The following STPG2 variants were observed in gnomAD, a reference collection of about 807,000 sequenced individuals.
The protein encoded by STPG2 is sperm-tail PG-rich repeat-containing protein 2.
Under a neutral mutation model 54.2 loss-of-function variants are expected in STPG2, and 56 were observed. That is an observed-to-expected ratio of 1.03 (90% CI 0.83 to 1.29). STPG2 has a LOEUF of 1.29. Among genes scored for constraint, STPG2 ranks in the 50% most tolerant of loss-of-function variants. The pLI is 0.00. For missense variants in STPG2, 596 were observed against 544.9 expected, an observed-to-expected ratio of 1.09 and a Z score of -0.93; for synonymous variants, 200 against 181.8, an observed-to-expected ratio of 1.10 and a Z score of -0.81.
intron 9 of STPG2, among the ~76,000 whole-genome samples, chr4:97,725,658 T>C (rs1724600534): frequency 1.3e-5 from 2 of 151,478 alleles, no homozygotes; most frequent in African/African-American, 4.8e-5. Context: ...GATAAAAAGA[T>C]ATTTAAAAAA....
intron 9 of STPG2, among the ~76,000 whole-genome samples, chr4:97,758,623 G>C (rs917300032): frequency 4.6e-5 from 7 of 152,046 alleles, no homozygotes; most frequent in Admixed American, 3.9e-4. Flanking sequence ...GGCCTGTCAG[G>C]GGGGTGCGGG....
intron 9 of STPG2, among the ~76,000 whole-genome samples, chr4:97,742,551 G>GTATATATA (rs1467194240): frequency 4.9e-5 from 7 of 142,898 alleles, no homozygotes; most frequent in South Asian, 2.2e-4. Flanking sequence ...GTGTGTGTGT[G>GTATATATA]TGTGTGTGTG....
At chr4:97,787,195 C>A (rs1353377385) in intron 9 of STPG2, among the ~76,000 whole-genome samples, 1 of 151,600 alleles carries the variant, frequency 6.6e-6, no homozygotes, top group Non-Finnish European at 1.5e-5. Context: ...ATATTTCGTA[C>A]TTTTTTTTTC....
chr4:97,546,546 A>G (rs956953257), intron 4 of STPG2, among the ~76,000 whole-genome samples: 4 of 152,226 alleles, frequency 2.6e-5, no homozygotes, highest in African/African-American at 9.6e-5. Context: ...AGGAAGATAA[A>G]TTTTTCTTTG....
intron 5 of STPG2, among the ~76,000 whole-genome samples, chr4:97,991,578 T>C (rs2149269666): frequency 6.6e-6 from 1 of 152,108 alleles, no homozygotes; most frequent in Non-Finnish European, 1.5e-5. Context: ...TGTGCAAGTA[T>C]CTTTTTCGTA....
At chr4:97,756,622 G>A (rs1007991500) in intron 9 of STPG2, among the ~76,000 whole-genome samples, 77 of 152,152 alleles carry the variant, frequency 5.1e-4, no homozygotes, top group Non-Finnish European at 1.8e-4. Context: ...CACCGTGCCC[G>A]GCCTCCCTGT....
intron 10 of STPG2, among the ~76,000 whole-genome samples, chr4:97,653,114 G>GA (rs77259350): frequency 8.0e-6 from 1 of 125,488 alleles, no homozygotes; most frequent in African/African-American, 3.1e-5. Flanking sequence ...TAGATAGATA[G>GA]GTAGATAGAT....
chr4:97,785,709 C>T (rs762729374), intron 9 of STPG2, among the ~76,000 whole-genome samples: 3 of 151,950 alleles, frequency 2.0e-5, no homozygotes, highest in Non-Finnish European at 4.4e-5. Context: ...AAAATATCTT[C>T]GTTCCCACCT....
intron 8 of STPG2, among the ~76,000 whole-genome samples, chr4:97,935,393 T>C (rs1732710840): frequency 6.6e-6 from 1 of 152,234 alleles, no homozygotes; most frequent in Non-Finnish European, 1.5e-5. Flanking sequence ...AGTTCCAATC[T>C]GATCTTAGTT....
At chr4:97,469,750 A>G (rs1360337102) in intron 4 of STPG2, among the ~76,000 whole-genome samples, 2 of 152,006 alleles carry the variant, frequency 1.3e-5, no homozygotes, top group Non-Finnish European at 1.5e-5. Flanking sequence ...GGGAGGCTGA[A>G]GAAATACCAC....
intron 4 of STPG2, among the ~76,000 whole-genome samples, chr4:97,447,112 C>T (rs141760758): frequency 0.011 from 1,715 of 152,176 alleles, 15 homozygotes; most frequent in Non-Finnish European, 0.018. Context: ...CATATGGAGA[C>T]GAGGAACTCA....
At chr4:97,453,102 G>A (rs1466329894) in intron 4 of STPG2, among the ~76,000 whole-genome samples, 1 of 152,188 alleles carries the variant, frequency 6.6e-6, no homozygotes, top group Non-Finnish European at 1.5e-5. Flanking sequence ...GCCCTTCAGG[G>A]ATCCCAGACT....
chr4:98,138,364 G>T (rs1005897763), intron 1 of STPG2, among the ~76,000 whole-genome samples: 1 of 152,034 alleles, frequency 6.6e-6, no homozygotes, highest in Admixed American at 6.6e-5. Context: ...TAAGTGTATA[G>T]AAGAGGAGAT....
chr4:98,053,037 G>A (rs1737371228), intron 5 of STPG2, among the ~76,000 whole-genome samples: 3 of 152,142 alleles, frequency 2.0e-5, no homozygotes, highest in Admixed American at 2.0e-4. Context: ...TAAAAGGACT[G>A]ATGAAACATT....
In STPG2 at chr4:97,869,031, T is replaced by C. The variant is rs533363114; in HGVS notation, c.1045-28099A>G. ...TTGTATCTTGAGCATGTGACTTTTC[T>C]GAAAAATATGGCTATGGTCAACAGA... On this transcript the variant is annotated intron_variant, in intron 8 of 10. Coordinates refer to ENST00000295268, the MANE Select transcript of STPG2 (RefSeq NM_174952.3). Among the ~76,000 whole-genome samples the C allele has an allele frequency of 2.0e-5, 3 of 151,990 alleles. No homozygotes were observed. The East Asian group carries it at 5.8e-4, about 29-fold the overall frequency.
chr4:98,048,055 C>T (rs1229273115), intron 5 of STPG2, among the ~76,000 whole-genome samples: 1 of 151,902 alleles, frequency 6.6e-6, no homozygotes, highest in African/African-American at 2.4e-5. Flanking sequence ...CAAGTGACTA[C>T]CAACCCTACT....
At chr4:97,730,980 T>G (rs1031819206) in intron 9 of STPG2, among the ~76,000 whole-genome samples, 1 of 152,172 alleles carries the variant, frequency 6.6e-6, no homozygotes, top group Non-Finnish European at 1.5e-5. Flanking sequence ...GCCATCCAGA[T>G]TTGAATTCCG....
intron 4 of STPG2, among the ~76,000 whole-genome samples, chr4:97,492,204 A>G (rs572729435): frequency 1.4e-3 from 208 of 151,644 alleles, no homozygotes; most frequent in African/African-American, 4.7e-3. Context: ...TTTCCCACCC[A>G]TCGAAGAACT....
At chr4:97,584,736 A>T (rs1732948853) in intron 10 of STPG2, among the ~76,000 whole-genome samples, 1 of 151,874 alleles carries the variant, frequency 6.6e-6, no homozygotes, top group Non-Finnish European at 1.5e-5. Flanking sequence ...ATTCAAGGCT[A>T]CTATGAAGAC....
Sources: allele counts gnomAD v4.1 joint callset (sites outside exome capture counted in the v4.1 genomes callset), GRCh38; gene constraint gnomAD v4.1.1; transcripts MANE v1.5; gene names NCBI Gene and HGNC (gene_info 2026-07-23, HGNC 2026-07-21).